Variants in FRMPD4 observed in about 807,000 individuals in gnomAD.
The protein encoded by FRMPD4 is FERM and PDZ domain containing 4.
A neutral mutation model predicts 94.1 loss-of-function variants in FRMPD4; 22 were observed. The ratio of observed to expected loss-of-function variants is 0.23; its 90% CI spans 0.17 to 0.33. The LOEUF (loss-of-function observed/expected upper bound fraction) is 0.33, where lower values mean the gene tolerates loss of function less well. Among genes scored for constraint, FRMPD4 ranks in the 10% least tolerant of loss-of-function variants. The pLI is 1.00. For synonymous variants in FRMPD4, 631 were observed against 548.6 expected, an observed-to-expected ratio of 1.15 and a Z score of -2.10; for missense variants, 1,111 against 1,339.9, an observed-to-expected ratio of 0.83 and a Z score of 2.67.
At chrX:12,393,301 G>T (rs1419838937) in intron 1 of FRMPD4, among the ~76,000 whole-genome samples, 1 of 111,467 alleles carries the variant, frequency 9.0e-6, no homozygotes, top group Non-Finnish European at 1.9e-5. Context: ...AATTCTTTCT[G>T]TTACTTCAGG....
intron 1 of FRMPD4, among the ~76,000 whole-genome samples, chrX:12,429,987 T>C (rs1370835232): frequency 8.9e-6 from 1 of 112,167 alleles, no homozygotes; most frequent in Non-Finnish European, 1.9e-5. Flanking sequence ...AGGCCCCAAC[T>C]TGCCAGGGCC....
At chrX:12,524,037 C>T (rs1222538807) in intron 2 of FRMPD4, among the ~76,000 whole-genome samples, 2 of 111,462 alleles carry the variant, frequency 1.8e-5, no homozygotes, top group African/African-American at 6.5e-5. Context: ...CACCTGTAGT[C>T]CCAGCTACTC....
chrX:12,024,003 C>T (rs1203799829), intron 3 of FRMPD4, among the ~76,000 whole-genome samples: 1 of 111,373 alleles, frequency 9.0e-6, no homozygotes, highest in Non-Finnish European at 1.9e-5. Context: ...GCAGTCGAAC[C>T]ACAAAGCTTC....
chrX:12,250,089 T>TGC (rs1312177490), intron 1 of FRMPD4, among the ~76,000 whole-genome samples: 1 of 108,012 alleles, frequency 9.3e-6, no homozygotes, highest in Non-Finnish European at 1.9e-5. Context: ...TGTGTGTGTG[T>TGC]GTGTGTGTGT....
intron 3 of FRMPD4, among the ~76,000 whole-genome samples, chrX:11,972,912 A>G (rs2054348326): frequency 8.9e-6 from 1 of 112,490 alleles, no homozygotes; most frequent in African/African-American, 3.2e-5. Context: ...ATAAAAAGGA[A>G]GACATTTTGG....
rs2055633549 is a variant in FRMPD4, at chrX:12,138,542, C to T, written c.-430C>T. The T allele has an allele frequency of 4.3e-6, 1 of 232,398 alleles. No individual in the cohort carries two copies. The highest frequency in any genetic ancestry group is 6.8e-5 in the East Asian group (1 of 14,783). The allele number at this position is 232,398 out of a possible 1,213,427, so 19.2% of individuals were successfully genotyped here. The stretch of plus-strand genomic sequence containing the variant: ...CTGCCGTCTCCCGGCTCCGTCTGCG[C>T]TCCTCGGTGCGTGGGGCACGAGGGT... On this transcript the variant is annotated 5_prime_UTR_variant, in exon 1 of 17. Coordinates refer to ENST00000675598, the MANE Select transcript of FRMPD4 (RefSeq NM_001368397.1).
At chrX:12,108,601 A>G (rs1488316529) in intron 3 of FRMPD4, among the ~76,000 whole-genome samples, 3 of 112,179 alleles carry the variant, frequency 2.7e-5, no homozygotes, top group Non-Finnish European at 5.6e-5. Context: ...AATGGGCTAA[A>G]TGCTCCAATT....
intron 1 of FRMPD4, among the ~76,000 whole-genome samples, chrX:12,234,415 T>C (rs893800837): frequency 5.4e-5 from 6 of 111,358 alleles, no homozygotes; most frequent in African/African-American, 2.0e-4. Flanking sequence ...ACCTCCAAAG[T>C]ACAGATTAAT....
chrX:11,954,912 C>T (rs1310475295), intron 3 of FRMPD4, among the ~76,000 whole-genome samples: 2 of 110,591 alleles, frequency 1.8e-5, no homozygotes, highest in Non-Finnish European at 3.8e-5. Flanking sequence ...CAAAAAAAAA[C>T]CAGTGACAAC....
rs368882928 is a variant in FRMPD4 at position 12,316,405 on chromosome X, G to A, written c.41+177393G>A. On this transcript the variant is annotated intron_variant, in intron 1 of 16. Coordinates refer to ENST00000675598, the MANE Select transcript of FRMPD4 (RefSeq NM_001368397.1). The stretch of plus-strand genomic sequence containing the variant: ...TGATCTCAGGTGATCCACCCGCCTC[G>A]GCCTCCCAAAGTGCCGGGATTACAG... 9.9e-5 allele frequency among the ~76,000 whole-genome samples: 11 copies of A among 110,786 alleles called. No homozygotes were observed. The South Asian group carries it at 1.1e-3, about 12-fold the overall frequency.
intron 3 of FRMPD4, among the ~76,000 whole-genome samples, chrX:12,042,428 C>G: frequency 9.0e-6 from 1 of 110,928 alleles, no homozygotes; most frequent in East Asian, 2.8e-4. Flanking sequence ...GGTCATTGTT[C>G]TCTTCGTTCA....
intron 2 of FRMPD4, among the ~76,000 whole-genome samples, chrX:12,609,330 C>T (rs1269392647): frequency 9.0e-6 from 1 of 111,322 alleles, no homozygotes; most frequent in Non-Finnish European, 1.9e-5. Context: ...TTCTACAGCA[C>T]GTTAGCATGT....
intron 1 of FRMPD4, among the ~76,000 whole-genome samples, chrX:11,853,588 T>C (rs2053637662): frequency 9.0e-6 from 1 of 111,705 alleles, no homozygotes. Context: ...CATCAGGGAA[T>C]ATTATGAACA....
At chrX:12,286,246 AT>A (rs2054597892) in intron 1 of FRMPD4, among the ~76,000 whole-genome samples, 1 of 110,129 alleles carries the variant, frequency 9.1e-6, no homozygotes, top group African/African-American at 3.4e-5. Flanking sequence ...GATTATTTGC[AT>A]TTTAGAAGAA....
At chrX:12,445,118 G>GCAA (rs2057179995) in intron 1 of FRMPD4, among the ~76,000 whole-genome samples, 1 of 111,857 alleles carries the variant, frequency 8.9e-6, no homozygotes, top group African/African-American at 3.3e-5. Context: ...AGTTCCTCTT[G>GCAA]CAATGGCCAC....
At chrX:12,370,887 G>A (rs1337461082) in intron 1 of FRMPD4, among the ~76,000 whole-genome samples, 1 of 112,092 alleles carries the variant, frequency 8.9e-6, no homozygotes, top group African/African-American at 3.2e-5. Flanking sequence ...TGTGTCTTCA[G>A]TGAGATATAA....
chrX:12,566,838 AAAAAATATTATTTCCCC>A (rs1470471029), intron 2 of FRMPD4, among the ~76,000 whole-genome samples: 2 of 111,332 alleles, frequency 1.8e-5, no homozygotes, highest in East Asian at 5.6e-4. Context: ...AGAAAGTAGC[AAAAAATATTATTTCCCC>A]AAGATCACAC....
chrX:11,941,942 G>C (rs1380879225), intron 3 of FRMPD4, among the ~76,000 whole-genome samples: 4 of 111,803 alleles, frequency 3.6e-5, no homozygotes, highest in Non-Finnish European at 5.6e-5. Context: ...GAGGCTTCTG[G>C]AAAGAACGTG....
At chrX:12,001,577 C>T (rs1195685401) in intron 3 of FRMPD4, among the ~76,000 whole-genome samples, 1 of 111,649 alleles carries the variant, frequency 9.0e-6, no homozygotes, top group Non-Finnish European at 1.9e-5. Context: ...ACACAGAGTG[C>T]CTGAAACTAA....
Sources: allele counts gnomAD v4.1 joint callset (sites outside exome capture counted in the v4.1 genomes callset), GRCh38; gene constraint gnomAD v4.1.1; transcripts MANE v1.5; gene names NCBI Gene and HGNC (gene_info 2026-07-23, HGNC 2026-07-21).